SQOR: variants seen among roughly 807,000 people sequenced by gnomAD.
SQOR encodes the protein sulfide:quinone oxidoreductase, mitochondrial.
A neutral mutation model predicts 48.6 loss-of-function variants in SQOR; 39 were observed. That is an observed-to-expected ratio of 0.80 (90% CI 0.62 to 1.05). The LOEUF is 1.05. SQOR is among the 50% of genes least tolerant of loss of function. The probability of loss-of-function intolerance (pLI) is 0.00; values close to 1 mark genes in which losing one functional copy is unlikely to be tolerated. For missense variants in SQOR, 561 were observed against 559.9 expected (o/e 1.00, Z -0.02); for synonymous variants, 220 against 206.2 (o/e 1.07, Z -0.57).
intron 1 of SQOR, among the ~76,000 whole-genome samples, chr15:45,648,487 T>G (rs912899841): frequency 6.6e-6 from 1 of 152,250 alleles, no homozygotes; most frequent in Admixed American, 6.5e-5. Flanking sequence ...GAATAGATTA[T>G]TTTCCTACCA....
At chr15:45,690,645 T>C (rs1159167224) in intron 9 of SQOR, among the ~76,000 whole-genome samples, 2 of 150,754 alleles carry the variant, frequency 1.3e-5, no homozygotes, top group Non-Finnish European at 3.0e-5. Flanking sequence ...AACATATCAA[T>C]AGGGCCAAGA....
At chr15:45,634,314 T>C (rs1566912056), upstream of SQOR, among the ~76,000 whole-genome samples, 2 of 150,744 alleles carry the variant, frequency 1.3e-5, no homozygotes, top group African/African-American at 4.9e-5. Flanking sequence ...TTCTAGCACT[T>C]GCACTTCTCA....
intron 3 of SQOR, among the ~76,000 whole-genome samples, chr15:45,667,607 G>T (rs1010532442): frequency 6.6e-6 from 1 of 152,104 alleles, no homozygotes; most frequent in Admixed American, 6.6e-5. Flanking sequence ...GCTATGGAGG[G>T]TTTATTCTCT....
chr15:45,678,750 C>A (rs947931016), intron 6 of SQOR, among the ~76,000 whole-genome samples: 1 of 152,014 alleles, frequency 6.6e-6, no homozygotes, highest in African/African-American at 2.4e-5. Context: ...TTTTGTGTGT[C>A]CTTTTTGTAG....
At chr15:45,653,562 A>T (rs1889537256) in intron 1 of SQOR, among the ~76,000 whole-genome samples, 1 of 152,162 alleles carries the variant, frequency 6.6e-6, no homozygotes, top group Non-Finnish European at 1.5e-5. Context: ...CTTGTTATAG[A>T]GCTCAATTTC....
At chr15:45,651,229 C>G (rs960407474) in intron 1 of SQOR, among the ~76,000 whole-genome samples, 1 of 152,238 alleles carries the variant, frequency 6.6e-6, no homozygotes, top group Non-Finnish European at 1.5e-5. Flanking sequence ...ACCTGGTGCA[C>G]CCTCCGCAGC....
chr15:45,658,878 C>T (rs1889664876), intron 1 of SQOR, 29 bp from the exon 2 acceptor site: 5 of 1,435,282 alleles, frequency 3.5e-6, no homozygotes, highest in Non-Finnish European at 4.6e-6. Flanking sequence ...TCTACCTTGG[C>T]ACTCACAGCC....
intron 1 of SQOR, among the ~76,000 whole-genome samples, chr15:45,657,442 G>C (rs1889631826): frequency 6.6e-6 from 1 of 152,030 alleles, no homozygotes; most frequent in Non-Finnish European, 1.5e-5. Context: ...AGGGTCAAAG[G>C]GTAAGTTTCC....
rs745777676 is a variant in SQOR at position 45,659,009 on chromosome 15, C to T, written c.86C>T (p.Pro29Leu). 6.2e-7 allele frequency: 1 copy of T among 1,603,784 alleles called. No homozygotes were observed. Residue 29 changes from proline to leucine, a missense_variant, in exon 2 of 10, where the codon CCC (proline) becomes CTC (leucine). Pro to Leu is a moderately conservative substitution (Grantham distance 98, BLOSUM62 -3). Transcript: ENST00000260324. ...AGGCTGGGCACTCAGCAGGTCGGCC[C>T]CCTTCAGCTGCACACCGGGGCCAGC... ...LLRLGTQQVGPLQLHTGASHA... is the reference protein window; with the variant it reads ...LLRLGTQQVGLLQLHTGASHA...
intron 5 of SQOR, chr15:45,674,074 A>G (rs1889991975): frequency 4.7e-6 from 2 of 422,264 alleles, no homozygotes; most frequent in South Asian, 5.5e-5. Flanking sequence ...CATAGTGTAC[A>G]TGAAAAATTT....
chr15:45,669,779 T>A, intron 3 of SQOR, 149 bp from the exon 4 acceptor site: 1 of 695,826 alleles, frequency 1.4e-6, no homozygotes, highest in Admixed American at 2.4e-5. Flanking sequence ...CCCAACCTTG[T>A]TCTGCTTCGA....
chr15:45,647,006 A>C (rs564310251), intron 1 of SQOR, among the ~76,000 whole-genome samples: 1 of 152,310 alleles, frequency 6.6e-6, no homozygotes, highest in South Asian at 2.1e-4. Flanking sequence ...ATTTAGTAAC[A>C]GGGAGGCCGA....
At chr15:45,665,104 C>T (rs1302605296) in intron 3 of SQOR, among the ~76,000 whole-genome samples, 1 of 152,122 alleles carries the variant, frequency 6.6e-6, no homozygotes, top group East Asian at 1.9e-4. Flanking sequence ...TTAGAGCCTT[C>T]GGTGGTTGGG....
Position 45,658,943 on chromosome 15 carries a change from T to C in SQOR, c.20T>C (p.Val7Ala). The part of the protein sequence containing the change: MVPLVA[V>A]VSGPRAQLFA... ...CTGAAGATGGTGCCACTGGTGGCTGTGGTATCAGGGCCCCGTGCCCAGCTC... is the reference window on the plus strand; with the variant it reads ...CTGAAGATGGTGCCACTGGTGGCTGCGGTATCAGGGCCCCGTGCCCAGCTC... Residue 7 changes from valine (V) to alanine (A), a missense_variant, in exon 2 of 10, where the codon GTG becomes GCG. Physicochemically the swap from Val to Ala is moderately conservative, Grantham distance 64. Coordinates refer to ENST00000260324, the MANE Select transcript of SQOR (RefSeq NM_021199.4). 1.3e-6 allele frequency: 2 copies of C among 1,569,168 alleles called. No homozygotes were observed. The highest frequency in any genetic ancestry group is 2.7e-5 in the African/African-American group (2 of 74,038).
chr15:45,652,030 C>T (rs370871653), intron 1 of SQOR, among the ~76,000 whole-genome samples: 181 of 151,972 alleles, frequency 1.2e-3, no homozygotes, highest in Middle Eastern at 0.01. Flanking sequence ...TGTGCCACCA[C>T]GCCTGGCTAA....
intron 1 of SQOR, among the ~76,000 whole-genome samples, chr15:45,647,896 G>A (rs975085025): frequency 2.6e-5 from 4 of 152,052 alleles, no homozygotes; most frequent in Non-Finnish European, 5.9e-5. Flanking sequence ...CAGCCTGGGC[G>A]ACAAGTGACA....
chr15:45,634,512 C>T (rs1894960684), upstream of SQOR, among the ~76,000 whole-genome samples: 1 of 152,020 alleles, frequency 6.6e-6, no homozygotes, highest in Admixed American at 6.6e-5. Context: ...CCCCTGCCTG[C>T]GCGTTTTGAA....
At chr15:45,653,093 C>T (rs1889525349) in intron 1 of SQOR, among the ~76,000 whole-genome samples, 1 of 152,098 alleles carries the variant, frequency 6.6e-6, no homozygotes, top group Non-Finnish European at 1.5e-5. Context: ...TTTCTGATGC[C>T]ACTTCTAACA....
At position 45,668,350 on chromosome 15, in the gene SQOR, A is replaced by G. The variant is rs576923407; in HGVS notation, c.406-1578A>G. Among the ~76,000 whole-genome samples, 47 of 152,366 alleles carry G rather than the reference A, an allele frequency of 3.1e-4. 1 individual carries two copies. In the South Asian group the frequency reaches 9.7e-3, roughly 32 times the overall value. On this transcript the variant is annotated intron_variant, in intron 3 of 9. Coordinates refer to ENST00000260324, the MANE Select transcript of SQOR (RefSeq NM_021199.4). ...CACAAGCAACTGAAATCATTCATCT[A>G]TCCATTCACCCACCAAACATTACAG...
Sources: allele counts gnomAD v4.1 joint callset (sites outside exome capture counted in the v4.1 genomes callset), GRCh38; gene constraint gnomAD v4.1.1; transcripts MANE v1.5; gene names NCBI Gene and HGNC (gene_info 2026-07-23, HGNC 2026-07-21).